Variants in SRRM4 observed in about 807,000 individuals in gnomAD.
The protein encoded by SRRM4 is serine/arginine repetitive matrix 4.
SRRM4 carries 33 observed loss-of-function variants against 68.9 expected under a neutral mutation model. The observed-to-expected ratio is 0.48, with a 90% CI of 0.36 to 0.64. The LOEUF is 0.64. Among genes scored for constraint, SRRM4 ranks in the 30% least tolerant of loss-of-function variants. The pLI is 0.00. For synonymous variants in SRRM4, 318 were observed against 318.8 expected, an observed-to-expected ratio of 1.00 and a Z score of 0.03; for missense variants, 817 against 827.1, an observed-to-expected ratio of 0.99 and a Z score of 0.15.
At chr12:118,985,084 A>C (rs1953273625) in intron 1 of SRRM4, among the ~76,000 whole-genome samples, 1 of 152,032 alleles carries the variant, frequency 6.6e-6, no homozygotes, top group Admixed American at 6.6e-5. Context: ...GAAAGCAACA[A>C]CTCCTCATCA....
intron 1 of SRRM4, among the ~76,000 whole-genome samples, chr12:118,987,836 T>C (rs149751072): frequency 1.6e-4 from 25 of 152,306 alleles, no homozygotes; most frequent in African/African-American, 6.0e-4. Context: ...CAGAGTTTAG[T>C]AGAAAAGGTA....
At chr12:119,039,938 A>T (rs1019297897) in intron 1 of SRRM4, among the ~76,000 whole-genome samples, 7 of 152,138 alleles carry the variant, frequency 4.6e-5, no homozygotes, top group Non-Finnish European at 1.0e-4. Flanking sequence ...ACACACCAAT[A>T]AAGCCTGTCC....
At chr12:119,099,757 G>T (rs1037491271) in intron 1 of SRRM4, among the ~76,000 whole-genome samples, 1 of 152,150 alleles carries the variant, frequency 6.6e-6, no homozygotes, top group Non-Finnish European at 1.5e-5. Flanking sequence ...CTAACAAGTT[G>T]GTGCTGACTG....
At position 119,145,423 on chromosome 12, in the gene SRRM4, G is replaced by T. The variant is rs763291831; in HGVS notation, c.814G>T (p.Ala272Ser). The T allele has an allele frequency of 6.2e-7, 1 of 1,606,472 alleles. No individual in the cohort carries two copies. The highest frequency in any genetic ancestry group is 1.1e-5 in the South Asian group (1 of 89,390). Residue 272 changes from alanine (A) to serine (S), a missense_variant, in exon 9 of 13, where the codon GCC (alanine) becomes TCC (serine). Coordinates refer to ENST00000267260, the MANE Select transcript of SRRM4 (RefSeq NM_194286.4). The part of the protein sequence containing the change: ...GSAADLFTKT[A>S]SPLTTSRGRS... ...TGCTGCTGACCTCTTTACCAAAACAGCCAGCCCGCTCACCACCTCGCGAGG... is the reference window on the plus strand; with the variant it reads ...TGCTGCTGACCTCTTTACCAAAACATCCAGCCCGCTCACCACCTCGCGAGG...
At chr12:119,120,676 T>C (rs1954213940) in intron 5 of SRRM4, among the ~76,000 whole-genome samples, 1 of 152,220 alleles carries the variant, frequency 6.6e-6, no homozygotes, top group Non-Finnish European at 1.5e-5. Context: ...CAAATAGTTA[T>C]TACTTACAGG....
chr12:119,130,590 A>C, intron 7 of SRRM4, 88 bp from the exon 8 acceptor site: 1 of 1,335,804 alleles, frequency 7.5e-7, no homozygotes, highest in Non-Finnish European at 1.0e-6. Flanking sequence ...AACACACTTT[A>C]TCATCCTCAG....
At chr12:119,024,845 A>T (rs959268638) in intron 1 of SRRM4, among the ~76,000 whole-genome samples, 2 of 151,936 alleles carry the variant, frequency 1.3e-5, no homozygotes, top group Non-Finnish European at 2.9e-5. Flanking sequence ...AAAAACAAGG[A>T]CTCTCTGTGT....
chr12:119,131,798 AAG>A, intron 8 of SRRM4, among the ~76,000 whole-genome samples: 1 of 152,332 alleles, frequency 6.6e-6, no homozygotes, highest in South Asian at 2.1e-4. Context: ...GACGAACAGG[AAG>A]AGAGTCAACA....
chr12:119,109,198 G>GTC (rs1361590368), intron 2 of SRRM4, among the ~76,000 whole-genome samples: 1 of 152,170 alleles, frequency 6.6e-6, no homozygotes, highest in Non-Finnish European at 1.5e-5. Flanking sequence ...TCAGCTGTTA[G>GTC]TCTGATGGGC....
At chr12:119,113,882 A>G (rs537603141) in intron 2 of SRRM4, among the ~76,000 whole-genome samples, 31 of 152,332 alleles carry the variant, frequency 2.0e-4, no homozygotes, top group African/African-American at 7.5e-4. Flanking sequence ...TCCGCCTGCT[A>G]TTAAATTTCC....
intron 1 of SRRM4, among the ~76,000 whole-genome samples, chr12:119,090,986 G>A (rs1954011139): frequency 6.6e-6 from 1 of 152,212 alleles, no homozygotes; most frequent in Non-Finnish European, 1.5e-5. Context: ...AAACTAACAA[G>A]CCCAGACCGC....
chr12:119,016,818 G>A (rs145875085), intron 1 of SRRM4, among the ~76,000 whole-genome samples: 41 of 152,336 alleles, frequency 2.7e-4, no homozygotes, highest in African/African-American at 9.4e-4. Flanking sequence ...GGGAATGACA[G>A]GGTAGCATAC....
chr12:119,005,314 T>C (rs1159889610), intron 1 of SRRM4, among the ~76,000 whole-genome samples: 2 of 152,328 alleles, frequency 1.3e-5, no homozygotes, highest in African/African-American at 2.4e-5. Flanking sequence ...TCTGAGACGA[T>C]AAATGGAACA....
chr12:118,983,932 G>C lies in SRRM4; in HGVS notation c.131+1919G>C, dbSNP rs573739999. 5.9e-5 allele frequency among the ~76,000 whole-genome samples: 9 copies of C among 152,180 alleles called. No individual in the cohort carries two copies. The South Asian group carries it at 1.7e-3, about 28-fold the overall frequency. ...CTGCAACCAGTATCATTTCACTCTT[G>C]GTGCCTTTTAATGTCGTGGGTCTCC... On this transcript the variant is annotated intron_variant, in intron 1 of 12. Coordinates refer to ENST00000267260, the MANE Select transcript of SRRM4 (RefSeq NM_194286.4).
At chr12:119,087,154 A>G (rs953351400) in intron 1 of SRRM4, among the ~76,000 whole-genome samples, 1 of 152,190 alleles carries the variant, frequency 6.6e-6, no homozygotes, top group African/African-American at 2.4e-5. Flanking sequence ...CAGTTTCTTC[A>G]TTGGTAAAAC....
chr12:119,004,794 T>C (rs1220056460), intron 1 of SRRM4, among the ~76,000 whole-genome samples: 1 of 151,884 alleles, frequency 6.6e-6, no homozygotes, highest in African/African-American at 2.4e-5. Context: ...TAGGGAGTGA[T>C]TTTAAAGGCA....
chr12:119,066,986 A>G (rs767088833), intron 1 of SRRM4, among the ~76,000 whole-genome samples: 2 of 152,164 alleles, frequency 1.3e-5, no homozygotes, highest in Admixed American at 6.5e-5. Flanking sequence ...CCTGCCTAAT[A>G]ACCATCAAAG....
rs80280372 is a variant in SRRM4 at position 119,062,620 on chromosome 12, A to G, written c.132-39616A>G. ...TTCAGCTTAAACAAGTTAAACCTTTAAACTGTTTTAAACTTTCAAACTGTC... is the reference window on the plus strand; with the variant it reads ...TTCAGCTTAAACAAGTTAAACCTTTGAACTGTTTTAAACTTTCAAACTGTC... On this transcript the variant is annotated intron_variant, in intron 1 of 12. Transcript: ENST00000267260. Among the ~76,000 whole-genome samples the G allele has an allele frequency of 3.3e-5, 5 of 152,306 alleles. No homozygotes were observed. The East Asian group carries it at 9.6e-4, about 29-fold the overall frequency.
chr12:119,137,694 T>TC (rs893482640), intron 8 of SRRM4, among the ~76,000 whole-genome samples: 9 of 149,844 alleles, frequency 6.0e-5, no homozygotes, highest in African/African-American at 2.0e-4. Context: ...ATAGTTCACT[T>TC]CCCCCCAATG....
Sources: allele counts gnomAD v4.1 joint callset (sites outside exome capture counted in the v4.1 genomes callset), GRCh38; gene constraint gnomAD v4.1.1; transcripts MANE v1.5; gene names NCBI Gene and HGNC (gene_info 2026-07-23, HGNC 2026-07-21).